The following RBFOX1 variants were observed in gnomAD, a reference collection of about 807,000 sequenced individuals.
The protein encoded by RBFOX1 is RNA binding fox-1 homolog 1, also known as RNA binding protein fox-1 homolog 1.
A neutral mutation model predicts 57.7 loss-of-function variants in RBFOX1; 8 were observed. The ratio of observed to expected loss-of-function variants is 0.14; its 90% confidence interval spans 0.08 to 0.25. The LOEUF (loss-of-function observed/expected upper bound fraction) is 0.25. RBFOX1 is among the 10% of genes least tolerant of loss of function. The probability of loss-of-function intolerance (pLI) is 1.00; values close to 1 mark genes in which losing one functional copy is unlikely to be tolerated. For missense variants in RBFOX1, 611 were observed against 548.5 expected (o/e 1.11, Z -1.14); for synonymous variants, 326 against 222.4 (o/e 1.47, Z -4.15).
chr16:7,224,916 C>T (rs1052548201), intron 4 of RBFOX1, among the ~76,000 whole-genome samples: 32 of 152,142 alleles, frequency 2.1e-4, no homozygotes, highest in African/African-American at 7.7e-4. Context: ...GTTAGAGAAG[C>T]ACTGTCCTAG....
chr16:5,322,391 G>A (rs1326867567), intron 1 of RBFOX1, among the ~76,000 whole-genome samples: 1 of 152,120 alleles, frequency 6.6e-6, no homozygotes, highest in African/African-American at 2.4e-5. Context: ...ACGCCTAGGG[G>A]TTTGGGGTAG....
chr16:5,362,337 C>T (rs2065575833), intron 1 of RBFOX1, among the ~76,000 whole-genome samples: 1 of 151,738 alleles, frequency 6.6e-6, no homozygotes, highest in Non-Finnish European at 1.5e-5. Context: ...ACTACAGGTG[C>T]ACGCCACCAC....
In RBFOX1 at chr16:6,813,853, T is replaced by G. The variant is rs149145098; in HGVS notation, c.-16+159203T>G. Among the ~76,000 whole-genome samples the G allele has an allele frequency of 2.2e-3, 342 of 152,096 alleles. 3 individuals carry two copies. The highest frequency in any genetic ancestry group is 7.8e-3 in the African/African-American group (322 of 41,506). On this transcript the variant is annotated intron_variant, in intron 3 of 15. Transcript: ENST00000550418. ...GTTGATACCCCCAACCCCTCTGGCT[T>G]CCATCTGAGCTCAGCCAGCCCCTTG...
chr16:6,658,442 C>T (rs542042096), intron 3 of RBFOX1, among the ~76,000 whole-genome samples: 29 of 152,074 alleles, frequency 1.9e-4, no homozygotes, highest in African/African-American at 5.5e-4. Context: ...CTCCTGACCT[C>T]GTGATCCGCC....
At chr16:6,636,815 TATATAATATATGTTATATATA>T (rs2098438742) in intron 2 of RBFOX1, among the ~76,000 whole-genome samples, 3 of 104,018 alleles carry the variant, frequency 2.9e-5, no homozygotes, top group African/African-American at 1.1e-4. Flanking sequence ...TAATATATAA[TATATAATATATGTTATATATA>T]ATATATAATA....
intron 3 of RBFOX1, among the ~76,000 whole-genome samples, chr16:7,027,437 G>A (rs1343369321): frequency 6.6e-6 from 1 of 152,018 alleles, no homozygotes; most frequent in South Asian, 2.1e-4. Flanking sequence ...CTTTTTTCAG[G>A]TGGAATAGGA....
At chr16:5,497,764 A>T (rs1179387402) in intron 2 of RBFOX1, among the ~76,000 whole-genome samples, 1 of 152,174 alleles carries the variant, frequency 6.6e-6, no homozygotes, top group African/African-American at 2.4e-5. Flanking sequence ...AGCCTGGACA[A>T]CAGAGTGAGA....
At chr16:7,510,536 C>T (rs1016850666) in intron 4 of RBFOX1, among the ~76,000 whole-genome samples, 2 of 150,948 alleles carry the variant, frequency 1.3e-5, no homozygotes, top group African/African-American at 4.9e-5. Context: ...CGCGCACGCG[C>T]GCTTTCTGCT....
chr16:6,948,234 C>T (rs940260185), intron 3 of RBFOX1, among the ~76,000 whole-genome samples: 1 of 151,812 alleles, frequency 6.6e-6, no homozygotes, highest in Non-Finnish European at 1.5e-5. Flanking sequence ...GCATTCAAGA[C>T]CAGCCTGGGC....
At chr16:6,320,352 G>T (rs1308870720) in intron 2 of RBFOX1, among the ~76,000 whole-genome samples, 4 of 152,006 alleles carry the variant, frequency 2.6e-5, no homozygotes, top group African/African-American at 9.7e-5. Flanking sequence ...AAAGTGGGAG[G>T]TTTTGTAAGT....
At chr16:5,564,499 T>C (rs2045994446) in intron 2 of RBFOX1, among the ~76,000 whole-genome samples, 1 of 152,168 alleles carries the variant, frequency 6.6e-6, no homozygotes, top group Non-Finnish European at 1.5e-5. Context: ...CCTCCTGACA[T>C]AGAACAAGTT....
At chr16:5,551,640 C>CT (rs1567221191) in intron 2 of RBFOX1, among the ~76,000 whole-genome samples, 2 of 151,956 alleles carry the variant, frequency 1.3e-5, no homozygotes, top group Non-Finnish European at 2.9e-5. Context: ...AATCTCAGCT[C>CT]TTTTTTTTAA....
chr16:5,774,725 C>A (rs887819125), intron 3 of RBFOX1, among the ~76,000 whole-genome samples: 2 of 152,174 alleles, frequency 1.3e-5, no homozygotes, highest in Admixed American at 1.3e-4. Flanking sequence ...CTCTCTCGCC[C>A]AGACTAGAGT....
At chr16:7,515,677 A>T (rs2076200111) in intron 4 of RBFOX1, among the ~76,000 whole-genome samples, 1 of 152,242 alleles carries the variant, frequency 6.6e-6, no homozygotes, top group African/African-American at 2.4e-5. Context: ...GTGTAACTAC[A>T]ACAAACAGGG....
intron 2 of RBFOX1, among the ~76,000 whole-genome samples, chr16:5,548,091 G>T (rs1459141446): frequency 1.3e-5 from 2 of 150,116 alleles, no homozygotes; most frequent in Admixed American, 6.7e-5. Context: ...AACCAGTGCG[G>T]TGGAGGTTGC....
chr16:5,748,933 T>G (rs888735727), intron 3 of RBFOX1, among the ~76,000 whole-genome samples: 1 of 152,226 alleles, frequency 6.6e-6, no homozygotes, highest in Non-Finnish European at 1.5e-5. Flanking sequence ...CTGGTTATTT[T>G]GCTCGTTAAT....
intron 3 of RBFOX1, among the ~76,000 whole-genome samples, chr16:5,605,341 A>G (rs1453672417): frequency 6.6e-6 from 1 of 152,182 alleles, no homozygotes; most frequent in Non-Finnish European, 1.5e-5. Context: ...GTAACCATGT[A>G]TGGAGAGTAG....
intron 4 of RBFOX1, among the ~76,000 whole-genome samples, chr16:7,429,570 A>G (rs2149545486): frequency 6.6e-6 from 1 of 152,304 alleles, no homozygotes; most frequent in Non-Finnish European, 1.5e-5. Context: ...GTCCTCTCAT[A>G]CACCCAGAGC....
intron 3 of RBFOX1, among the ~76,000 whole-genome samples, chr16:6,757,258 A>G (rs1464853317): frequency 6.6e-6 from 1 of 152,158 alleles, no homozygotes; most frequent in Non-Finnish European, 1.5e-5. Flanking sequence ...AAAGACTAAA[A>G]ATAGAACTAC....
Sources: gnomAD v4.1 joint callset for allele counts (sites outside exome capture counted in the v4.1 genomes callset) on GRCh38, gnomAD v4.1.1 for gene constraint, MANE v1.5 for transcripts, NCBI Gene and HGNC (gene_info 2026-07-23, HGNC 2026-07-21) for gene names.